Variants in BABAM2 observed in about 807,000 individuals in gnomAD.
BABAM2 encodes BRISC and BRCA1 A complex member 2.
Under a neutral mutation model 54.7 loss-of-function variants are expected in BABAM2, and 31 were observed. That is an observed-to-expected ratio of 0.57 (90% CI 0.43 to 0.77). The LOEUF is 0.77. Ranked by LOEUF, BABAM2 falls within the 30% of genes least tolerant of loss-of-function variation. The pLI, the probability that BABAM2 is intolerant of heterozygous loss-of-function variation, is 0.00. For synonymous variants in BABAM2, 167 were observed against 162.9 expected (o/e 1.03, Z -0.19); for missense variants, 364 against 455.8 (o/e 0.80, Z 1.83).
intron 5 of BABAM2, among the ~76,000 whole-genome samples, chr2:28,036,655 A>C (rs1676683989): frequency 6.6e-6 from 1 of 152,192 alleles, no homozygotes; most frequent in Non-Finnish European, 1.5e-5. Context: ...GACTAAGAGA[A>C]AATTCTGTGG....
intron 4 of BABAM2, among the ~76,000 whole-genome samples, chr2:28,023,740 A>T (rs1675442236): frequency 6.6e-6 from 1 of 152,182 alleles, no homozygotes; most frequent in African/African-American, 2.4e-5. Flanking sequence ...CTCACTCAGT[A>T]GAGCAAAGTA....
intron 9 of BABAM2, among the ~76,000 whole-genome samples, chr2:28,242,575 G>C (rs772316857): frequency 5.9e-5 from 9 of 152,074 alleles, no homozygotes; most frequent in Admixed American, 3.3e-4. Context: ...TCCACAGAAG[G>C]CTTATAAATA....
At chr2:28,173,797 G>C (rs1674625655) in intron 7 of BABAM2, among the ~76,000 whole-genome samples, 1 of 152,224 alleles carries the variant, frequency 6.6e-6, no homozygotes, top group South Asian at 2.1e-4. Context: ...ATCAGTGACA[G>C]CTTTGTATTG....
intron 2 of BABAM2, among the ~76,000 whole-genome samples, chr2:27,929,232 A>G (rs755868999): frequency 6.6e-6 from 1 of 152,090 alleles, no homozygotes; most frequent in Non-Finnish European, 1.5e-5. Context: ...CAAAACAAAA[A>G]GAAAATACCA....
At chr2:28,185,055 A>G (rs968163584) in intron 7 of BABAM2, among the ~76,000 whole-genome samples, 2 of 152,232 alleles carry the variant, frequency 1.3e-5, no homozygotes, top group African/African-American at 2.4e-5. Context: ...AAATAAGGCT[A>G]TTTAAACTAT....
At chr2:28,152,091 C>T (rs1672106860) in intron 7 of BABAM2, among the ~76,000 whole-genome samples, 3 of 152,204 alleles carry the variant, frequency 2.0e-5, no homozygotes, top group Non-Finnish European at 2.9e-5. Flanking sequence ...GAGATGCTTT[C>T]CTGAGGCCTT....
At chr2:28,195,498 T>C (rs1284794276) in intron 7 of BABAM2, among the ~76,000 whole-genome samples, 1 of 152,202 alleles carries the variant, frequency 6.6e-6, no homozygotes, top group Non-Finnish European at 1.5e-5. Context: ...TTAAAGGACA[T>C]GAGGACAGTG....
At chr2:28,120,569 T>C (rs1481313004) in intron 6 of BABAM2, among the ~76,000 whole-genome samples, 1 of 152,212 alleles carries the variant, frequency 6.6e-6, no homozygotes, top group Non-Finnish European at 1.5e-5. Context: ...GTTCCTACCT[T>C]ACACAGTTGT....
chr2:27,966,388 A>G (rs534457628), intron 3 of BABAM2, among the ~76,000 whole-genome samples: 1 of 150,908 alleles, frequency 6.6e-6, no homozygotes, highest in East Asian at 2.0e-4. Context: ...AGACAACTTG[A>G]TTTGTTAATA....
intron 6 of BABAM2, among the ~76,000 whole-genome samples, chr2:28,086,764 C>T (rs1346029370): frequency 6.6e-6 from 1 of 152,190 alleles, no homozygotes; most frequent in Non-Finnish European, 1.5e-5. Flanking sequence ...TTCACATAAG[C>T]ACGACAGTGC....
chr2:28,067,374 T>G lies in BABAM2; in HGVS notation c.570+21575T>G, dbSNP rs373176789. On this transcript the variant is annotated intron_variant, in intron 6 of 11. Transcript: ENST00000379624. ...TGTCCCTTCTACTTACTTACATCAA[T>G]TTTATACCACGGTCATACTGAACAG... Among the ~76,000 whole-genome samples the G allele has an allele frequency of 2.4e-4, 36 of 152,364 alleles. 1 individual carries two copies. The East Asian group carries it at 6.6e-3, about 28-fold the overall frequency.
chr2:28,295,923 C>G (rs1382751265), intron 10 of BABAM2, among the ~76,000 whole-genome samples: 2 of 152,294 alleles, frequency 1.3e-5, no homozygotes, highest in East Asian at 3.9e-4. Context: ...GCCTGACCAA[C>G]ATGGTGAAAT....
At chr2:28,336,968 G>A (rs1691524795) in intron 11 of BABAM2, among the ~76,000 whole-genome samples, 1 of 152,192 alleles carries the variant, frequency 6.6e-6, no homozygotes, top group Non-Finnish European at 1.5e-5. Flanking sequence ...GATCTCCTGG[G>A]AGCTGGCAGC....
intron 3 of BABAM2, among the ~76,000 whole-genome samples, chr2:27,987,109 C>T (rs1014643661): frequency 4.6e-5 from 7 of 152,100 alleles, no homozygotes; most frequent in Admixed American, 1.3e-4. Flanking sequence ...CTCTTTTTAT[C>T]GTCACAATAA....
At chr2:28,096,347 G>A (rs13419831) in intron 6 of BABAM2, among the ~76,000 whole-genome samples, 1 of 149,738 alleles carries the variant, frequency 6.7e-6, no homozygotes, top group African/African-American at 2.5e-5. Flanking sequence ...AAATAGGAAA[G>A]TTACAACAAT....
intron 4 of BABAM2, among the ~76,000 whole-genome samples, chr2:28,018,325 C>T (rs1055060553): frequency 6.6e-6 from 1 of 152,164 alleles, no homozygotes; most frequent in South Asian, 2.1e-4. Context: ...CAGGTTGTTG[C>T]GAATGCCATT....
At chr2:28,152,144 CAA>C (rs1672115872) in intron 7 of BABAM2, among the ~76,000 whole-genome samples, 1 of 152,180 alleles carries the variant, frequency 6.6e-6, no homozygotes, top group South Asian at 2.1e-4. Context: ...TTCTATCCCC[CAA>C]AGAGCCACAT....
rs138587720 is a variant in BABAM2 at position 27,957,190 on chromosome 2, G to A, written c.205+27282G>A. On this transcript the variant is annotated intron_variant, in intron 3 of 11. Coordinates refer to ENST00000379624, the MANE Select transcript of BABAM2 (RefSeq NM_199191.3). ...TCTGCAACATTATCTCACTACACTT[G>A]GGTAAAACAAGTGCCAGGCAATTGC... Among the ~76,000 whole-genome samples the A allele has an allele frequency of 1.8e-3, 277 of 152,214 alleles. 2 individuals carry two copies. The highest frequency in any genetic ancestry group is 6.4e-3 in the African/African-American group (264 of 41,536).
chr2:28,081,296 G>A (rs1365935757), intron 6 of BABAM2, among the ~76,000 whole-genome samples: 2 of 152,162 alleles, frequency 1.3e-5, no homozygotes, highest in African/African-American at 2.4e-5. Context: ...GGGCAAGTAG[G>A]AGCTGCTTCT....
Sources: gnomAD v4.1 joint callset for allele counts (sites outside exome capture counted in the v4.1 genomes callset) on GRCh38, gnomAD v4.1.1 for gene constraint, MANE v1.5 for transcripts, NCBI Gene and HGNC (gene_info 2026-07-23, HGNC 2026-07-21) for gene names.